ZNF608: variants seen among roughly 807,000 people sequenced by gnomAD.
ZNF608 encodes the protein zinc finger protein 608.
Under a neutral mutation model 109.0 loss-of-function variants are expected in ZNF608, and 12 were observed. The observed-to-expected ratio is 0.11, with a 90% CI of 0.07 to 0.18. The LOEUF (loss-of-function observed/expected upper bound fraction) is 0.18. ZNF608 is among the 10% of genes least tolerant of loss of function. ZNF608 has a pLI of 1.00. For missense variants in ZNF608, 1,707 were observed against 1,879.3 expected (o/e 0.91, Z 1.70); for synonymous variants, 732 against 717.4 (o/e 1.02, Z -0.33).
chr5:124,640,368 T>C (rs67875413), intron 8 of ZNF608, among the ~76,000 whole-genome samples: 9,316 of 152,174 alleles, frequency 0.061, 390 homozygotes, highest in Non-Finnish European at 0.092. Context: ...ATGATTAGTG[T>C]CCTTATAAGA....
intron 2 of ZNF608, among the ~76,000 whole-genome samples, chr5:124,712,018 G>A (rs150971847): frequency 7.2e-5 from 11 of 152,248 alleles, no homozygotes; most frequent in African/African-American, 2.2e-4. Context: ...GTGTAGGTGT[G>A]TGCCTATAAT....
chr5:124,736,522 A>G (rs531665688), intron 2 of ZNF608, among the ~76,000 whole-genome samples: 6 of 152,224 alleles, frequency 3.9e-5, no homozygotes, highest in Non-Finnish European at 8.8e-5. Context: ...AAATCTAGGT[A>G]CAAAAACAAA....
At chr5:124,662,812 GAC>G (rs10630923) in intron 3 of ZNF608, among the ~76,000 whole-genome samples, 4 of 150,938 alleles carry the variant, frequency 2.7e-5, no homozygotes, top group Admixed American at 1.3e-4. Flanking sequence ...CAGACACACA[GAC>G]ACACACACAC....
At chr5:124,652,350 T>C (rs1357433122) in intron 3 of ZNF608, among the ~76,000 whole-genome samples, 1 of 152,224 alleles carries the variant, frequency 6.6e-6, no homozygotes, top group Non-Finnish European at 1.5e-5. Flanking sequence ...AAGTAACCCT[T>C]ATTTTTCCAG....
At chr5:124,664,783 G>A (rs993933063) in intron 3 of ZNF608, among the ~76,000 whole-genome samples, 3 of 152,168 alleles carry the variant, frequency 2.0e-5, no homozygotes, top group African/African-American at 4.8e-5. Context: ...TGAAGGAATG[G>A]TGCATGTATG....
intron 3 of ZNF608, among the ~76,000 whole-genome samples, chr5:124,659,878 G>T (rs192882941): frequency 6.6e-6 from 1 of 152,290 alleles, no homozygotes; most frequent in African/African-American, 2.4e-5. Context: ...GAAGAGCCAG[G>T]CTTCCTATAA....
chr5:124,710,318 C>T (rs1008360001), intron 2 of ZNF608: 1 of 422,398 alleles, frequency 2.4e-6, no homozygotes, highest in Non-Finnish European at 4.7e-6. Context: ...TTTAGGGAAT[C>T]TCACTTGCAA....
intron 3 of ZNF608, among the ~76,000 whole-genome samples, chr5:124,693,993 T>TTTTTTTTTTTTTTTTTTTTTA: frequency 7.2e-6 from 1 of 139,380 alleles, no homozygotes. Context: ...TTTTTTTTTT[T>TTTTTTTTTTTTTTTTTTTTTA]GAGAGAGAGT....
At chr5:124,640,991 C>T (rs570606221) in intron 8 of ZNF608, among the ~76,000 whole-genome samples, 3 of 152,282 alleles carry the variant, frequency 2.0e-5, no homozygotes, top group South Asian at 2.1e-4. Context: ...CACTGGCCAC[C>T]GCCCTCAGTC....
In ZNF608 at chr5:124,701,163, G is replaced by A. The variant is rs1169496139; in HGVS notation, c.1013C>T (p.Ala338Val). 1 of 1,613,960 alleles carries A rather than the reference G, an allele frequency of 6.2e-7. No homozygotes were observed. The highest frequency in any genetic ancestry group is 1.3e-5 in the African/African-American group (1 of 74,894). Residue 338 changes from alanine (A) to valine (V), a missense_variant, in exon 3 of 10, where the codon GCA becomes GTA. By Grantham distance (64) the Ala-to-Val change is moderately conservative (BLOSUM62 0). Coordinates refer to ENST00000513986, the MANE Select transcript of ZNF608 (RefSeq NM_020747.3). The stretch of plus-strand genomic sequence containing the variant: ...CCGAACCAAAAGCTGTTCAACCGGT[G>A]CTGCAATATTGGATGAAGATGGGGA... ...YFSPSSSNIA[A>V]PVEQLLVRTR...
intron 2 of ZNF608, among the ~76,000 whole-genome samples, chr5:124,719,251 C>T (rs936514250): frequency 3.9e-5 from 6 of 152,292 alleles, no homozygotes; most frequent in East Asian, 1.9e-4. Flanking sequence ...ACAGGCACAG[C>T]GTTCGTTTCA....
chr5:124,728,086 A>G (rs1748701621), intron 2 of ZNF608, among the ~76,000 whole-genome samples: 2 of 152,244 alleles, frequency 1.3e-5, no homozygotes, highest in South Asian at 2.1e-4. Context: ...CTCCAAACAC[A>G]GCTTTACAAA....
intron 7 of ZNF608, among the ~76,000 whole-genome samples, chr5:124,643,140 A>G (rs1349431080): frequency 6.6e-6 from 1 of 152,214 alleles, no homozygotes; most frequent in African/African-American, 2.4e-5. Flanking sequence ...TGAACTACTT[A>G]CTTACCAAAA....
intron 3 of ZNF608, among the ~76,000 whole-genome samples, chr5:124,659,883 C>T (rs1203605612): frequency 6.6e-6 from 1 of 152,210 alleles, no homozygotes; most frequent in African/African-American, 2.4e-5. Context: ...GCCAGGCTTC[C>T]TATAAATTAT....
chr5:124,637,556 A>G lies in ZNF608; in HGVS notation c.*344T>C, dbSNP rs1750032651. ...AGCCTTTTGTGGCTAACACTTTTTA[A>G]CATGACAAATACATTTTTAATTTCC... On this transcript the variant is annotated 3_prime_UTR_variant, in exon 10 of 10. Transcript: ENST00000513986. 6.5e-6 allele frequency: 1 copy of G among 154,134 alleles called. No individual in the cohort carries two copies. Among genetic ancestry groups the G allele is most frequent in the Admixed American group, 6.5e-5 (1 of 15,290 alleles). 9.5% of individuals were successfully genotyped at this position (154,134 alleles called of 1,614,324 possible). A position where few individuals can be genotyped will look rare whatever the true frequency, so the allele number is the denominator to read the frequency against.
At chr5:124,681,775 C>T (rs1752207117) in intron 3 of ZNF608, among the ~76,000 whole-genome samples, 1 of 152,126 alleles carries the variant, frequency 6.6e-6, no homozygotes, top group Non-Finnish European at 1.5e-5. Flanking sequence ...TAAAGGATGG[C>T]ATTGACATAT....
chr5:124,714,275 T>C (rs963631901), intron 2 of ZNF608, among the ~76,000 whole-genome samples: 4 of 152,310 alleles, frequency 2.6e-5, no homozygotes, highest in African/African-American at 9.6e-5. Flanking sequence ...CATAAGTGAA[T>C]GAATTACATG....
At chr5:124,642,774 C>T (rs1580520275) in intron 7 of ZNF608, among the ~76,000 whole-genome samples, 1 of 145,672 alleles carries the variant, frequency 6.9e-6, no homozygotes, top group African/African-American at 2.6e-5. Flanking sequence ...TCTCTGCTCA[C>T]TGCAACCTCT....
intron 2 of ZNF608, chr5:124,735,176 A>T (rs550804711): frequency 6.6e-6 from 1 of 152,268 alleles, no homozygotes; most frequent in Non-Finnish European, 1.5e-5. Context: ...GTAAAACAGC[A>T]GTCATAATGT....
Sources: allele counts gnomAD v4.1 joint callset (sites outside exome capture counted in the v4.1 genomes callset), GRCh38; gene constraint gnomAD v4.1.1; transcripts MANE v1.5; gene names NCBI Gene and HGNC (gene_info 2026-07-23, HGNC 2026-07-21).